Variants in BCKDHB observed in about 807,000 individuals in gnomAD.
BCKDHB encodes the protein branched chain keto acid dehydrogenase E1 subunit beta.
A neutral mutation model predicts 48.5 loss-of-function variants in BCKDHB; 41 were observed. The observed-to-expected ratio is 0.85, with a 90% CI of 0.66 to 1.10. The LOEUF is 1.10. Among genes scored for constraint, BCKDHB ranks in the 50% least tolerant of loss-of-function variants. BCKDHB has a pLI of 0.00. For synonymous variants in BCKDHB, 201 were observed against 174.8 expected, an observed-to-expected ratio of 1.15 and a Z score of -1.18; for missense variants, 496 against 494.2, an observed-to-expected ratio of 1.00 and a Z score of -0.03.
At chr6:80,453,729 G>T in the BCKDHB span, among the ~76,000 whole-genome samples, 8 of 152,170 alleles carry the variant, frequency 5.3e-5, no homozygotes, top group Non-Finnish European at 7.4e-5. Flanking sequence ...GGGGAATCCT[G>T]TGAACACCCT....
At chr6:80,376,318 T>C in the BCKDHB span, among the ~76,000 whole-genome samples, 1 of 151,978 alleles carries the variant, frequency 6.6e-6, no homozygotes, top group East Asian at 1.9e-4. Context: ...CTCACCCAGC[T>C]CCCACACAGC....
chr6:80,236,616 T>G (rs1776157684), intron 8 of BCKDHB, among the ~76,000 whole-genome samples: 1 of 152,232 alleles, frequency 6.6e-6, no homozygotes, highest in African/African-American at 2.4e-5. Flanking sequence ...CAGAGGTAGT[T>G]ACATTGAAAA....
At chr6:80,312,838 T>G (rs1768236491) in intron 9 of BCKDHB, among the ~76,000 whole-genome samples, 1 of 152,212 alleles carries the variant, frequency 6.6e-6, no homozygotes, top group Non-Finnish European at 1.5e-5. Context: ...TTGCCAGCAT[T>G]TTATTGAGGA....
chr6:80,322,874 T>C (rs1336256351), intron 9 of BCKDHB, among the ~76,000 whole-genome samples: 2 of 148,528 alleles, frequency 1.3e-5, no homozygotes, highest in Non-Finnish European at 1.5e-5. Context: ...CTCCTAATGA[T>C]TCTTCTTTTT....
At chr6:80,368,918 C>A in the BCKDHB span, among the ~76,000 whole-genome samples, 2 of 150,958 alleles carry the variant, frequency 1.3e-5, no homozygotes, top group Non-Finnish European at 2.9e-5. Flanking sequence ...GAGGCTGAGG[C>A]AGGAGAATCA....
intron 9 of BCKDHB, among the ~76,000 whole-genome samples, chr6:80,276,449 A>G (rs1324089576): frequency 6.6e-5 from 10 of 151,966 alleles, no homozygotes; most frequent in Admixed American, 2.0e-4. Context: ...GTATTTTTAG[A>G]TAGAAAAATT....
intron 8 of BCKDHB, among the ~76,000 whole-genome samples, chr6:80,218,879 C>T (rs908765120): frequency 1.3e-5 from 2 of 152,164 alleles, no homozygotes; most frequent in African/African-American, 4.8e-5. Context: ...GCAGTACACA[C>T]TGTTAATATT....
chr6:80,305,365 T>C (rs540519388), intron 9 of BCKDHB, among the ~76,000 whole-genome samples: 7 of 152,098 alleles, frequency 4.6e-5, no homozygotes, highest in Non-Finnish European at 1.0e-4. Context: ...GCTTAATGGA[T>C]CTCTAGAGTC....
chr6:80,451,500 G>T, the BCKDHB span, among the ~76,000 whole-genome samples: 2 of 152,076 alleles, frequency 1.3e-5, no homozygotes, highest in Admixed American at 1.3e-4. Flanking sequence ...TACTTTGGGA[G>T]GCCTAGGCGG....
At chr6:80,200,905 C>CTT (rs374325532) in intron 6 of BCKDHB, 29 bp from the exon 7 acceptor site, 152 of 1,227,806 alleles carry the variant, frequency 1.2e-4, no homozygotes, top group South Asian at 7.1e-4. Flanking sequence ...AAAAAATGTC[C>CTT]TTTTTTTTTT....
chr6:80,411,200 C>T, the BCKDHB span, among the ~76,000 whole-genome samples: 426 of 152,240 alleles, frequency 2.8e-3, 2 homozygotes, highest in African/African-American at 8.6e-3. Flanking sequence ...CTAACAGGCC[C>T]CTCAGCTGCA....
chr6:80,426,158 T>A, the BCKDHB span, among the ~76,000 whole-genome samples: 32 of 152,310 alleles, frequency 2.1e-4, no homozygotes, highest in Non-Finnish European at 4.4e-4. Context: ...CTAGTAAGAA[T>A]GTTGTCTCCC....
the BCKDHB span, among the ~76,000 whole-genome samples, chr6:80,411,458 C>T: frequency 6.6e-6 from 1 of 152,218 alleles, no homozygotes; most frequent in Admixed American, 6.5e-5. Flanking sequence ...GTTCTCAGAG[C>T]TCAAACGCTG....
chr6:80,354,998 C>G, the BCKDHB span, among the ~76,000 whole-genome samples: 1 of 151,980 alleles, frequency 6.6e-6, no homozygotes, highest in South Asian at 2.1e-4. Context: ...CTTTTTTGTT[C>G]CATATGAGTT....
chr6:80,201,138 G>T (rs1034382281), intron 7 of BCKDHB, 107 bp downstream of exon 7: 21 of 923,324 alleles, frequency 2.3e-5, no homozygotes, highest in Non-Finnish European at 3.7e-5. Flanking sequence ...TTATATCTCA[G>T]ATTAAGTCTG....
chr6:80,275,514 G>T (rs567023102), intron 9 of BCKDHB, among the ~76,000 whole-genome samples: 1 of 152,070 alleles, frequency 6.6e-6, no homozygotes, highest in African/African-American at 2.4e-5. Context: ...AATTTGAAAG[G>T]TACACAGTGT....
At chr6:80,330,240 A>C (rs1769256251) in intron 9 of BCKDHB, among the ~76,000 whole-genome samples, 1 of 152,184 alleles carries the variant, frequency 6.6e-6, no homozygotes, top group Non-Finnish European at 1.5e-5. Context: ...GGACATGATC[A>C]AAATGGCACC....
chr6:80,282,751 C>G (rs1766404494), intron 9 of BCKDHB, among the ~76,000 whole-genome samples: 1 of 151,902 alleles, frequency 6.6e-6, no homozygotes, highest in Non-Finnish European at 1.5e-5. Flanking sequence ...CACTATAAGT[C>G]TTTTATTGAT....
intron 3 of BCKDHB, among the ~76,000 whole-genome samples, chr6:80,160,153 T>G (rs1772241514): frequency 6.6e-6 from 1 of 152,166 alleles, no homozygotes; most frequent in African/African-American, 2.4e-5. Context: ...GCTGTCACCT[T>G]AAGTCATGCT....
Sources: allele counts gnomAD v4.1 joint callset (sites outside exome capture counted in the v4.1 genomes callset), GRCh38; gene constraint gnomAD v4.1.1; transcripts MANE v1.5; gene names NCBI Gene and HGNC (gene_info 2026-07-23, HGNC 2026-07-21).